The following RABGAP1L variants were observed in gnomAD, a reference collection of about 807,000 sequenced individuals.
The protein encoded by RABGAP1L is rab GTPase-activating protein 1-like.
In RABGAP1L, 63 loss-of-function variants were observed where a neutral mutation model predicts 137.7. The observed-to-expected ratio is 0.46, with a 90% CI of 0.37 to 0.56. RABGAP1L has a LOEUF of 0.56. Among genes scored for constraint, RABGAP1L ranks in the 20% least tolerant of loss-of-function variants. The pLI is 0.00. For synonymous variants in RABGAP1L, 431 were observed against 433.7 expected (o/e 0.99, Z 0.08); for missense variants, 1,095 against 1,244.0 (o/e 0.88, Z 1.80).
chr1:174,754,278 C>T lies in RABGAP1L; in HGVS notation c.2211+1924C>T, dbSNP rs543397359. On this transcript the variant is annotated intron_variant, in intron 18 of 25. Transcript: ENST00000681986. ...CTTATATGAATCCTGAAGCTGACCC[C>T]CCCAATAGACAGAGTATATATGGGA... Among the ~76,000 whole-genome samples, 7 of 152,208 alleles carry T rather than the reference C, an allele frequency of 4.6e-5. No individual in the cohort carries two copies. In the South Asian group the frequency reaches 8.3e-4, roughly 18 times the overall value.
chr1:174,442,851 C>T (rs565030373), intron 13 of RABGAP1L, among the ~76,000 whole-genome samples: 2 of 152,182 alleles, frequency 1.3e-5, no homozygotes, highest in South Asian at 4.2e-4. Flanking sequence ...TAACCATTAT[C>T]CAACTTCTTT....
At chr1:174,179,110 G>A (rs1666136589) in intron 1 of RABGAP1L, among the ~76,000 whole-genome samples, 1 of 152,000 alleles carries the variant, frequency 6.6e-6, no homozygotes, top group Non-Finnish European at 1.5e-5. Context: ...GGGTCTTGCT[G>A]TGTTGCCCAG....
chr1:174,961,345 A>G (rs1669070622), intron 20 of RABGAP1L, among the ~76,000 whole-genome samples: 1 of 152,226 alleles, frequency 6.6e-6, no homozygotes, highest in African/African-American at 2.4e-5. Flanking sequence ...TAAGCCCTTA[A>G]TAAGCAAAGT....
intron 19 of RABGAP1L, among the ~76,000 whole-genome samples, chr1:174,902,560 A>G (rs572289464): frequency 1.8e-4 from 27 of 152,224 alleles, no homozygotes; most frequent in Non-Finnish European, 3.1e-4. Context: ...CTCTGCATGT[A>G]CCTAAGTGGC....
intron 19 of RABGAP1L, among the ~76,000 whole-genome samples, chr1:174,927,542 T>C (rs1161000259): frequency 6.6e-6 from 1 of 152,130 alleles, no homozygotes; most frequent in Non-Finnish European, 1.5e-5. Flanking sequence ...ATTTCCTCTC[T>C]TTTTAAAGAC....
At chr1:174,404,294 A>T (rs1649000942) in intron 13 of RABGAP1L, among the ~76,000 whole-genome samples, 1 of 152,152 alleles carries the variant, frequency 6.6e-6, no homozygotes, top group Non-Finnish European at 1.5e-5. Flanking sequence ...TCTGAGCAGG[A>T]TAGGAGAGGG....
chr1:174,811,956 T>G lies in RABGAP1L; in HGVS notation c.2336T>G (p.Ile779Ser), dbSNP rs199733197. The G allele has an allele frequency of 3.7e-5, 59 of 1,591,364 alleles. No individual in the cohort carries two copies. The highest frequency in any genetic ancestry group is 4.9e-5 in the Non-Finnish European group (57 of 1,170,632). ...AGACTGATGGAGCAGGCTTGCAATATTAAAGTAAGAACATGAGTTTTTATA... is the reference window on the plus strand; with the variant it reads ...AGACTGATGGAGCAGGCTTGCAATAGTAAAGTAAGAACATGAGTTTTTATA... ...ARRLMEQACN[I>S]KVPTKKLKKY... Residue 779 changes from isoleucine (I) to serine (S), a missense_variant, in exon 19 of 26, where the codon ATT becomes AGT. Ile to Ser is a moderately radical substitution (Grantham distance 142). Coordinates refer to ENST00000681986, the MANE Select transcript of RABGAP1L (RefSeq NM_001366446.1).
At chr1:174,571,637 G>C (rs1667986915) in intron 13 of RABGAP1L, among the ~76,000 whole-genome samples, 1 of 151,992 alleles carries the variant, frequency 6.6e-6, no homozygotes, top group Non-Finnish European at 1.5e-5. Flanking sequence ...CAATATAAAT[G>C]CTTGTTCCTA....
At chr1:174,621,470 T>G (rs143144691) in intron 13 of RABGAP1L, among the ~76,000 whole-genome samples, 3,441 of 152,226 alleles carry the variant, frequency 0.023, 61 homozygotes, top group Middle Eastern at 0.085. Flanking sequence ...AAGGCTACAG[T>G]AACCAAAACA....
intron 14 of RABGAP1L, among the ~76,000 whole-genome samples, chr1:174,673,219 AAGATTAGGC>A (rs1202472985): frequency 6.6e-6 from 1 of 152,210 alleles, no homozygotes; most frequent in Non-Finnish European, 1.5e-5. Flanking sequence ...TTGATCTTTC[AAGATTAGGC>A]AGAGGTCTGG....
At chr1:174,629,625 C>T (rs1041314800) in intron 13 of RABGAP1L, among the ~76,000 whole-genome samples, 12 of 152,202 alleles carry the variant, frequency 7.9e-5, no homozygotes, top group East Asian at 7.7e-4. Flanking sequence ...CAGGTTCAAG[C>T]GATTCTCCTG....
At chr1:174,447,890 G>GCCCC (rs11321562) in intron 13 of RABGAP1L, among the ~76,000 whole-genome samples, 59 of 69,552 alleles carry the variant, frequency 8.5e-4, no homozygotes, top group Non-Finnish European at 8.3e-4. Context: ...ACCCCTTACC[G>GCCCC]CCCCCCCCCC....
chr1:174,347,178 T>C lies in RABGAP1L; in HGVS notation c.1466-23801T>C, dbSNP rs78034954. On this transcript the variant is annotated intron_variant, in intron 11 of 25. Transcript: ENST00000681986. ...ATGATCCATGAGCTGAGGAGAAGAA[T>C]GTATATTCTGTAGCCACTGGATCAA... Among the ~76,000 whole-genome samples, 1,444 of 152,292 alleles carry C rather than the reference T, an allele frequency of 9.5e-3. 24 individuals are homozygous for C. Among genetic ancestry groups the C allele is most frequent in the African/African-American group, 0.033 (1,384 of 41,548 alleles).
chr1:174,833,445 TAGAG>T (rs1308272258), intron 19 of RABGAP1L, among the ~76,000 whole-genome samples: 2 of 43,036 alleles, frequency 4.6e-5, no homozygotes, highest in Non-Finnish European at 1.8e-4. Context: ...TGTGTGTGTG[TAGAG>T]ATATATATAT....
chr1:174,842,620 A>G (rs1450467836), intron 19 of RABGAP1L, among the ~76,000 whole-genome samples: 3 of 152,226 alleles, frequency 2.0e-5, no homozygotes, highest in African/African-American at 7.2e-5. Context: ...ACAGTCTCCC[A>G]AAGATCCCAC....
chr1:174,203,156 T>C (rs181062884), intron 1 of RABGAP1L, among the ~76,000 whole-genome samples: 2 of 152,346 alleles, frequency 1.3e-5, no homozygotes, highest in East Asian at 3.8e-4. Flanking sequence ...CTTAAGTCTT[T>C]AGTCCATCTT....
intron 1 of RABGAP1L, among the ~76,000 whole-genome samples, chr1:174,216,094 A>G (rs1409179081): frequency 6.6e-6 from 1 of 152,192 alleles, no homozygotes; most frequent in Non-Finnish European, 1.5e-5. Context: ...AATTGGAATA[A>G]TTGAACTCAT....
At chr1:174,964,964 T>A (rs1435880063) in intron 20 of RABGAP1L, 41 of 1,507,532 alleles carry the variant, frequency 2.7e-5, no homozygotes, top group Non-Finnish European at 3.1e-5. Context: ...AAAACAGTAG[T>A]TGGTCTATGA....
At position 174,693,416 on chromosome 1, in the gene RABGAP1L, C is replaced by T. The variant is rs1191792920; in HGVS notation, c.1900-6109C>T. ...GATAAAAACTTACAGTTAAATAACT[C>T]ATGTTAAAAACAAAAGTAATAAGTA... On this transcript the variant is annotated intron_variant, in intron 15 of 25. Coordinates refer to ENST00000681986, the MANE Select transcript of RABGAP1L (RefSeq NM_001366446.1). 3.9e-5 allele frequency among the ~76,000 whole-genome samples: 6 copies of T among 152,128 alleles called. No individual in the cohort carries two copies. The South Asian group carries it at 6.2e-4, about 16-fold the overall frequency.
Sources: gnomAD v4.1 joint callset for allele counts (sites outside exome capture counted in the v4.1 genomes callset) on GRCh38, gnomAD v4.1.1 for gene constraint, MANE v1.5 for transcripts, NCBI Gene and HGNC (gene_info 2026-07-23, HGNC 2026-07-21) for gene names.